The following PCF11 variants were observed in gnomAD, a reference collection of about 807,000 sequenced individuals.
PCF11 encodes the protein PCF11 cleavage and polyadenylation factor subunit, also known as pre-mRNA cleavage complex 2 protein Pcf11.
PCF11 carries 19 observed loss-of-function variants against 166.1 expected under a neutral mutation model. The observed-to-expected ratio is 0.11, with a 90% CI of 0.08 to 0.17. The LOEUF (loss-of-function observed/expected upper bound fraction) is 0.17. Ranked by LOEUF, PCF11 falls within the 10% of genes least tolerant of loss-of-function variation. PCF11 has a pLI of 1.00. For missense variants in PCF11, 1,565 were observed against 1,855.5 expected (o/e 0.84, Z 2.88); for synonymous variants, 663 against 644.1 (o/e 1.03, Z -0.44).
At chr11:83,159,112 G>A (rs1318780167) in intron 1 of PCF11, among the ~76,000 whole-genome samples, 1 of 151,988 alleles carries the variant, frequency 6.6e-6, no homozygotes, top group African/African-American at 2.4e-5. Context: ...TTCCTTTTAA[G>A]GACCTCAACA....
chr11:83,177,129 G>C, exon 10 of PCF11: 1 of 1,579,304 alleles, frequency 6.3e-7, no homozygotes, highest in African/African-American at 1.3e-5. Context: ...CAGTCAGGTG[G>C]ATGTAAATGA....
exon 5 of PCF11, chr11:83,165,780 C>T (rs575948045): frequency 9.3e-6 from 15 of 1,612,580 alleles, no homozygotes; most frequent in African/African-American, 6.7e-5. Context: ...AGGAACTAAC[C>T]GGGATCCTCG....
At chr11:83,178,770 G>T (rs1273224239) in intron 11 of PCF11, among the ~76,000 whole-genome samples, 1 of 150,346 alleles carries the variant, frequency 6.7e-6, no homozygotes, top group Non-Finnish European at 1.5e-5. Flanking sequence ...CCGAGATAAC[G>T]CCACTGCACT....
chr11:83,170,016 T>C, intron 8 of PCF11, 21 bp downstream of exon 8: 1 of 1,538,906 alleles, frequency 6.5e-7, no homozygotes, highest in Non-Finnish European at 8.7e-7. Context: ...TATTCTAAAA[T>C]TGCGTTGTAT....
chr11:83,169,533 T>G, exon 8 of PCF11: 1 of 1,613,912 alleles, frequency 6.2e-7, no homozygotes. Context: ...TTGAAAGGAC[T>G]CCTGGTCAGC....
chr11:83,177,059 T>C (rs947200834), intron 9 of PCF11, 26 bp from the exon 10 acceptor site: 38 of 1,434,512 alleles, frequency 2.6e-5, no homozygotes, highest in Middle Eastern at 1.8e-4. Context: ...AAGTGGTTTT[T>C]TTTCTTTCTT....
At chr11:83,173,178 C>A (rs115360788) in intron 9 of PCF11, among the ~76,000 whole-genome samples, 2 of 152,070 alleles carry the variant, frequency 1.3e-5, no homozygotes, top group Non-Finnish European at 1.5e-5. Context: ...GCATATGGGC[C>A]GGGCATGGTG....
At chr11:83,159,398 G>A (rs1473602995) in intron 1 of PCF11, among the ~76,000 whole-genome samples, 2 of 152,072 alleles carry the variant, frequency 1.3e-5, no homozygotes, top group East Asian at 1.9e-4. Flanking sequence ...TCGTATCTTG[G>A]GATTTAATAT....
At chr11:83,168,359 A>T (rs1860547225) in intron 7 of PCF11, 69 bp from the exon 8 acceptor site, 1 of 1,355,702 alleles carries the variant, frequency 7.4e-7, no homozygotes, top group African/African-American at 1.5e-5. Flanking sequence ...ATATTTGGAT[A>T]AACATTCATA....
chr11:83,177,258 T>A, intron 10 of PCF11, 54 bp downstream of exon 10: 1 of 1,343,454 alleles, frequency 7.4e-7, no homozygotes, highest in Non-Finnish European at 1.0e-6. Flanking sequence ...GTTTTTGAGA[T>A]GTATGATGTA....
At chr11:83,181,708 T>C (rs771727432) in intron 12 of PCF11, 146 bp from the exon 13 acceptor site, 85 of 453,238 alleles carry the variant, frequency 1.9e-4, no homozygotes, top group Non-Finnish European at 2.6e-4. Flanking sequence ...TCATTAGTTA[T>C]ATGTTTCAAA....
exon 5 of PCF11, chr11:83,165,647 A>T: frequency 6.2e-7 from 1 of 1,613,642 alleles, no homozygotes; most frequent in South Asian, 1.1e-5. Context: ...TAGGTCCTGG[A>T]TCTGCACCAT....
At chr11:83,161,726 C>T (rs1860261955) in intron 2 of PCF11, among the ~76,000 whole-genome samples, 1 of 152,120 alleles carries the variant, frequency 6.6e-6, no homozygotes, top group Non-Finnish European at 1.5e-5. Flanking sequence ...TTCATTTGAA[C>T]ATCTGTTTCA....
intron 1 of PCF11, among the ~76,000 whole-genome samples, chr11:83,159,928 G>T (rs1390230400): frequency 6.6e-6 from 1 of 152,180 alleles, no homozygotes; most frequent in East Asian, 1.9e-4. Flanking sequence ...GTGTTTAAGA[G>T]AGCCTGTTTA....
At chr11:83,162,222 T>C (rs1455285685) in intron 2 of PCF11, among the ~76,000 whole-genome samples, 1 of 152,210 alleles carries the variant, frequency 6.6e-6, no homozygotes, top group Non-Finnish European at 1.5e-5. Context: ...ATACTTAGGT[T>C]TAAAGATTGT....
exon 1 of PCF11, chr11:83,157,278 G>T: frequency 1.6e-6 from 1 of 624,120 alleles, no homozygotes; most frequent in Non-Finnish European, 2.8e-6. Flanking sequence ...CATACCCGAG[G>T]TTCCCCCTGT....
chr11:83,166,549 A>G (rs1413309511), exon 5 of PCF11: 17 of 1,613,874 alleles, frequency 1.1e-5, no homozygotes, highest in Non-Finnish European at 1.4e-5. Context: ...ACTAAACAGG[A>G]TATTCGGGAT....
At chr11:83,165,819 G>C in exon 5 of PCF11, 1 of 1,610,318 alleles carries the variant, frequency 6.2e-7, no homozygotes, top group South Asian at 1.1e-5. Flanking sequence ...ACATTCTCAT[G>C]GAAAAGATCA....
intron 2 of PCF11, 78 bp from the exon 3 acceptor site, chr11:83,163,601 G>T: frequency 2.0e-6 from 1 of 489,062 alleles, no homozygotes; most frequent in Non-Finnish European, 3.4e-6. Flanking sequence ...AAGTAGAGCA[G>T]ATTTATATAA....
Sources: allele counts gnomAD v4.1 joint callset (sites outside exome capture counted in the v4.1 genomes callset), GRCh38; gene constraint gnomAD v4.1.1; transcripts MANE v1.5; gene names NCBI Gene and HGNC (gene_info 2026-07-23, HGNC 2026-07-21).